Variants in PARP8 observed in about 807,000 individuals in gnomAD.
The protein encoded by PARP8 is poly(ADP-ribose) polymerase family member 8.
PARP8 carries 51 observed loss-of-function variants against 124.1 expected under a neutral mutation model. The ratio of observed to expected loss-of-function variants is 0.41; its 90% CI spans 0.33 to 0.52. PARP8 has a LOEUF of 0.52. Ranked by LOEUF, PARP8 falls within the 20% of genes least tolerant of loss-of-function variation. The pLI is 0.21. For missense variants in PARP8, 860 were observed against 1,018.9 expected (o/e 0.84, Z 2.12); for synonymous variants, 391 against 361.5 (o/e 1.08, Z -0.93).
chr5:50,806,505 G>A (rs1743859109), intron 14 of PARP8, among the ~76,000 whole-genome samples: 1 of 151,984 alleles, frequency 6.6e-6, no homozygotes, highest in African/African-American at 2.4e-5. Flanking sequence ...TTTTCTAAAA[G>A]TGGCTGTGCT....
rs751464058 is a variant in PARP8 at position 50,845,375 on chromosome 5, G to A, written c.*3307G>A. The A allele has an allele frequency of 2.0e-5, 3 of 151,492 alleles. No individual in the cohort carries two copies. Among genetic ancestry groups the A allele is most frequent in the African/African-American group, 7.3e-5 (3 of 41,300 alleles). The allele number at this position is 151,492 out of a possible 1,614,324, so 9.4% of individuals were successfully genotyped here. ...GTCATGAAGGGGACACTCAACATTGGGTCATCTACCGTCTAAATAAATACG... is the reference window on the plus strand; with the variant it reads ...GTCATGAAGGGGACACTCAACATTGAGTCATCTACCGTCTAAATAAATACG... On this transcript the variant is annotated 3_prime_UTR_variant, in exon 26 of 26. Coordinates refer to ENST00000281631, the MANE Select transcript of PARP8 (RefSeq NM_024615.4).
At position 50,808,982 on chromosome 5, in the gene PARP8, A is replaced by T. The variant is rs577845083; in HGVS notation, c.1576-6450A>T. On this transcript the variant is annotated intron_variant, in intron 14 of 25. Transcript: ENST00000281631. ...ATCAACTTCTGAAATACTAACTAAAATAATAATTATGCCAAAAAACTTTTA... is the reference window on the plus strand; with the variant it reads ...ATCAACTTCTGAAATACTAACTAAATTAATAATTATGCCAAAAAACTTTTA... Among the ~76,000 whole-genome samples, 15 of 152,070 alleles carry T rather than the reference A, an allele frequency of 9.9e-5. No individual in the cohort carries two copies. The South Asian group carries it at 1.0e-3, about 11-fold the overall frequency.
intron 2 of PARP8, among the ~76,000 whole-genome samples, chr5:50,734,161 C>A (rs564483552): frequency 6.6e-6 from 1 of 152,154 alleles, no homozygotes; most frequent in South Asian, 2.1e-4. Flanking sequence ...TTTTTTACGG[C>A]GGTTTTATTT....
chr5:50,747,761 CTTTTTTTTTTTT>C lies in PARP8; in HGVS notation c.147-2372_147-2361del, dbSNP rs70972943. Among the ~76,000 whole-genome samples the C allele has an allele frequency of 4.8e-3, 255 of 52,918 alleles. 2 individuals carry two copies. Among genetic ancestry groups the C allele is most frequent in the Non-Finnish European group, 8.2e-3 (185 of 22,476 alleles). 34.7% of individuals were successfully genotyped at this position (52,918 alleles called of 152,430 possible). ...TCTCTCAAAGATAGGATAGACCTTG[CTTTTTTTTTTTT>C]TTTTTTTTTTTTTTTTTGAGACGGA... On this transcript the variant is annotated intron_variant, in intron 2 of 25. Coordinates refer to ENST00000281631, the MANE Select transcript of PARP8 (RefSeq NM_024615.4).
chr5:50,798,578 G>A (rs1742824416), intron 14 of PARP8, among the ~76,000 whole-genome samples: 1 of 151,784 alleles, frequency 6.6e-6, no homozygotes, highest in South Asian at 2.1e-4. Flanking sequence ...CCGCCACCAC[G>A]CCCGGCTGAT....
intron 2 of PARP8, among the ~76,000 whole-genome samples, chr5:50,730,909 A>G (rs1756912279): frequency 6.6e-6 from 1 of 152,242 alleles, no homozygotes; most frequent in South Asian, 2.1e-4. Context: ...GCAAGGGCAG[A>G]TTACCCAGTG....
intron 17 of PARP8, 90 bp downstream of exon 17, chr5:50,822,490 A>G: frequency 2.0e-6 from 2 of 993,084 alleles, no homozygotes. Flanking sequence ...TCTATAATAC[A>G]TATCATTTAA....
At chr5:50,793,207 A>C (rs1197716076) in intron 10 of PARP8, among the ~76,000 whole-genome samples, 1 of 152,216 alleles carries the variant, frequency 6.6e-6, no homozygotes, top group Non-Finnish European at 1.5e-5. Context: ...TATTGGTATC[A>C]TTTTCCTGAT....
intron 21 of PARP8, among the ~76,000 whole-genome samples, chr5:50,829,440 G>A (rs1746704896): frequency 6.6e-6 from 1 of 152,162 alleles, no homozygotes; most frequent in Non-Finnish European, 1.5e-5. Context: ...TCTGAGTATA[G>A]TTTCAGTTAA....
intron 2 of PARP8, among the ~76,000 whole-genome samples, chr5:50,719,600 T>C (rs58797083): frequency 0.026 from 3,883 of 152,182 alleles, 165 homozygotes; most frequent in African/African-American, 0.089. Context: ...CCTTAATGTA[T>C]GTCCTTGGCA....
chr5:50,723,114 A>G (rs768207738), intron 2 of PARP8, among the ~76,000 whole-genome samples: 6 of 152,162 alleles, frequency 3.9e-5, no homozygotes, highest in Non-Finnish European at 2.9e-5. Flanking sequence ...CTTTACATGC[A>G]AATAGTAGTA....
chr5:50,702,835 GA>G (rs1457140385), intron 2 of PARP8, among the ~76,000 whole-genome samples: 1 of 152,150 alleles, frequency 6.6e-6, no homozygotes, highest in African/African-American at 2.4e-5. Context: ...AAGTGGTGAG[GA>G]AAATATCTGT....
intron 2 of PARP8, among the ~76,000 whole-genome samples, chr5:50,718,904 A>T (rs1653658771): frequency 6.6e-6 from 1 of 151,958 alleles, no homozygotes; most frequent in African/African-American, 2.4e-5. Context: ...GTACTCTTCC[A>T]TAGTGGCTGT....
chr5:50,667,952 C>T (rs1358849968), intron 1 of PARP8, 119 bp from the exon 2 acceptor site: 1 of 1,589,418 alleles, frequency 6.3e-7, no homozygotes, highest in African/African-American at 1.3e-5. Context: ...CGCCCTCTAG[C>T]CCTTGCCTTC....
intron 9 of PARP8, among the ~76,000 whole-genome samples, chr5:50,783,829 T>G (rs1740943315): frequency 6.6e-6 from 1 of 152,220 alleles, no homozygotes; most frequent in South Asian, 2.1e-4. Flanking sequence ...AGAATTTTCC[T>G]TCTCTGTGTT....
chr5:50,810,074 GT>G (rs1228462933), intron 14 of PARP8, among the ~76,000 whole-genome samples: 16 of 151,856 alleles, frequency 1.1e-4, no homozygotes, highest in Admixed American at 7.9e-4. Flanking sequence ...TTTCATTTTA[GT>G]TGAAAACTTC....
Position 50,681,161 on chromosome 5 carries a change from A to G in PARP8, c.146+13036A>G, listed in dbSNP as rs189242568. On this transcript the variant is annotated intron_variant, in intron 2 of 25. Coordinates refer to ENST00000281631, the MANE Select transcript of PARP8 (RefSeq NM_024615.4). Reference sequence around the variant, plus strand: ...TACAAATATATGTAATTCCATTAGAAAATATTTTTCTTAAAATTTTAAATG... The same window carrying G: ...TACAAATATATGTAATTCCATTAGAGAATATTTTTCTTAAAATTTTAAATG... 3.7e-3 allele frequency among the ~76,000 whole-genome samples: 569 copies of G among 152,288 alleles called. 2 individuals carry two copies. Among genetic ancestry groups the G allele is most frequent in the African/African-American group, 0.013 (524 of 41,566 alleles).
chr5:50,738,201 A>G (rs1364492465), intron 2 of PARP8, among the ~76,000 whole-genome samples: 3 of 152,236 alleles, frequency 2.0e-5, no homozygotes, highest in African/African-American at 7.2e-5. Flanking sequence ...GTAATGAATC[A>G]GTGCCTGTGA....
intron 2 of PARP8, among the ~76,000 whole-genome samples, chr5:50,702,460 A>C (rs1753698359): frequency 6.6e-6 from 1 of 152,172 alleles, no homozygotes; most frequent in Non-Finnish European, 1.5e-5. Flanking sequence ...GATGATTTTC[A>C]GGGCTTCTCA....
Sources: allele counts gnomAD v4.1 joint callset (sites outside exome capture counted in the v4.1 genomes callset), GRCh38; gene constraint gnomAD v4.1.1; transcripts MANE v1.5; gene names NCBI Gene and HGNC (gene_info 2026-07-23, HGNC 2026-07-21).